Variants in KCNJ6 observed in about 807,000 individuals in gnomAD.
The protein encoded by KCNJ6 is potassium inwardly rectifying channel subfamily J member 6, also known as G protein-activated inward rectifier potassium channel 2.
A neutral mutation model predicts 34.2 loss-of-function variants in KCNJ6; 9 were observed. The observed-to-expected ratio is 0.26, with a 90% confidence interval of 0.16 to 0.46. The LOEUF (loss-of-function observed/expected upper bound fraction) is 0.46, where lower values mean the gene tolerates loss of function less well. Ranked by LOEUF, KCNJ6 falls within the 20% of genes least tolerant of loss-of-function variation. The pLI, the probability that KCNJ6 is intolerant of heterozygous loss-of-function variation, is 1.00. For synonymous variants in KCNJ6, 196 were observed against 207.1 expected (o/e 0.95, Z 0.46); for missense variants, 236 against 531.3 (o/e 0.44, Z 5.46).
intron 1 of KCNJ6, among the ~76,000 whole-genome samples, chr21:37,880,709 T>C (rs2055703291): frequency 6.6e-6 from 1 of 152,228 alleles, no homozygotes; most frequent in Non-Finnish European, 1.5e-5. Flanking sequence ...GGAATACATT[T>C]AGGAAATTTT....
At position 37,893,186 on chromosome 21, in the gene KCNJ6, G is replaced by A. The variant is rs867181773; in HGVS notation, c.-28+22698C>T. ...TTCATAGTCTTATGTTACATTCCTG[G>A]GTACCCTTTTGAATGTTCCCCTATT... is the stretch of plus-strand genomic sequence containing the variant. On this transcript the variant is annotated intron_variant, in intron 1 of 3. Coordinates refer to ENST00000609713, the MANE Select transcript of KCNJ6 (RefSeq NM_002240.5). Among the ~76,000 whole-genome samples, 76 of 150,222 alleles carry A rather than the reference G, an allele frequency of 5.1e-4. 1 individual carries two copies. Among genetic ancestry groups the A allele is most frequent in the African/African-American group, 1.8e-3 (73 of 40,812 alleles).
At chr21:37,886,915 C>A (rs2055738337) in intron 1 of KCNJ6, among the ~76,000 whole-genome samples, 1 of 152,094 alleles carries the variant, frequency 6.6e-6, no homozygotes, top group African/African-American at 2.4e-5. Flanking sequence ...ATTTCCCCCA[C>A]CACCTGATCC....
At chr21:37,817,537 G>C (rs1248081889) in intron 2 of KCNJ6, among the ~76,000 whole-genome samples, 2 of 152,192 alleles carry the variant, frequency 1.3e-5, no homozygotes, top group Non-Finnish European at 2.9e-5. Context: ...ACTGTGAGGA[G>C]GTTAGATCCC....
chr21:37,837,658 T>C (rs1429156143), intron 2 of KCNJ6, among the ~76,000 whole-genome samples: 2 of 152,188 alleles, frequency 1.3e-5, no homozygotes, highest in African/African-American at 4.8e-5. Context: ...AAAGTGTTTA[T>C]TGGCTTTGGA....
At position 37,675,637 on chromosome 21, in the gene KCNJ6, A is replaced by G. The variant is rs2054561595; in HGVS notation, c.946+38574T>C. Among the ~76,000 whole-genome samples, 1 of 152,220 alleles carries G rather than the reference A, an allele frequency of 6.6e-6. No homozygotes were observed. The highest frequency in any genetic ancestry group is 1.5e-5 in the Non-Finnish European group (1 of 68,034). On this transcript the variant is annotated intron_variant, in intron 3 of 3. Transcript: ENST00000609713. This position sits in a 1 kb window ranked among gnomAD's most constrained non-coding sequence, Gnocchi z 4.2. ...CCCCAGGAGAGGCCGTGTGGCCATAAAAGGGCTGACCTCCTGATTCGGACT... is the reference window on the plus strand; with the variant it reads ...CCCCAGGAGAGGCCGTGTGGCCATAGAAGGGCTGACCTCCTGATTCGGACT...
intron 3 of KCNJ6, among the ~76,000 whole-genome samples, chr21:37,640,321 A>G (rs376144057): frequency 0.014 from 2,156 of 152,308 alleles, 23 homozygotes; most frequent in Middle Eastern, 0.068. Flanking sequence ...TGGCTGTGGG[A>G]CCTAGGACAG....
chr21:37,699,555 G>A (rs982668017), intron 3 of KCNJ6, among the ~76,000 whole-genome samples: 1 of 152,150 alleles, frequency 6.6e-6, no homozygotes, highest in African/African-American at 2.4e-5. Context: ...CAGGGAAATC[G>A]GATAACATCA....
At chr21:37,898,919 T>G (rs1031658911) in intron 1 of KCNJ6, among the ~76,000 whole-genome samples, 1 of 152,264 alleles carries the variant, frequency 6.6e-6, no homozygotes, top group Admixed American at 6.5e-5. Flanking sequence ...GATGACCCTC[T>G]CTTTGCTATA....
chr21:37,786,085 C>A (rs2055191383), intron 2 of KCNJ6, among the ~76,000 whole-genome samples: 1 of 152,220 alleles, frequency 6.6e-6, no homozygotes, highest in African/African-American at 2.4e-5. Flanking sequence ...CTGATGAGGC[C>A]TGATCTGGTC....
intron 2 of KCNJ6, among the ~76,000 whole-genome samples, chr21:37,791,064 G>A (rs991219235): frequency 6.6e-6 from 1 of 152,148 alleles, no homozygotes; most frequent in Non-Finnish European, 1.5e-5. Flanking sequence ...TCATCCCAAA[G>A]TGTTGGCTCC....
chr21:37,699,983 T>C (rs970712597), intron 3 of KCNJ6, among the ~76,000 whole-genome samples: 2 of 152,160 alleles, frequency 1.3e-5, no homozygotes, highest in African/African-American at 4.8e-5. Flanking sequence ...AGGAAACTCT[T>C]GAGGGTCTGA....
intron 3 of KCNJ6, among the ~76,000 whole-genome samples, chr21:37,692,091 T>C (rs2054642403): frequency 6.6e-6 from 1 of 152,164 alleles, no homozygotes; most frequent in Non-Finnish European, 1.5e-5. Flanking sequence ...AAATACTTAA[T>C]GCATGCGGGG....
chr21:37,666,742 C>T (rs1019596280), intron 3 of KCNJ6, among the ~76,000 whole-genome samples: 2 of 151,670 alleles, frequency 1.3e-5, no homozygotes, highest in Admixed American at 6.6e-5. Context: ...AAAGAGAGAT[C>T]AGATTGTTAC....
chr21:37,700,967 G>C (rs115767360), intron 3 of KCNJ6, among the ~76,000 whole-genome samples: 1 of 152,086 alleles, frequency 6.6e-6, no homozygotes, highest in African/African-American at 2.4e-5. Flanking sequence ...GGTCATTTCC[G>C]ACCTGGGCAC....
rs576138996 is a variant in KCNJ6 at position 37,875,279 on chromosome 21, C to G, written c.-27-34570G>C. Among the ~76,000 whole-genome samples the G allele has an allele frequency of 2.2e-3, 330 of 152,266 alleles. 1 individual carries two copies. The South Asian group carries it at 0.027, about 12-fold the overall frequency. ...TTAAAAAAGAATTGAAAAGCAGAAGCCTTCCAGGACTTGAACCACAGTTGG... is the reference window on the plus strand; with the variant it reads ...TTAAAAAAGAATTGAAAAGCAGAAGGCTTCCAGGACTTGAACCACAGTTGG... On this transcript the variant is annotated intron_variant, in intron 1 of 3. Coordinates refer to ENST00000609713, the MANE Select transcript of KCNJ6 (RefSeq NM_002240.5).
At chr21:37,853,846 G>GTGTGTATA (rs71198897) in intron 1 of KCNJ6, among the ~76,000 whole-genome samples, 11 of 115,990 alleles carry the variant, frequency 9.5e-5, no homozygotes, top group Non-Finnish European at 1.7e-4. Context: ...ATATATATAT[G>GTGTGTATA]TATATATATA....
chr21:37,775,422 G>A (rs1271069158), intron 2 of KCNJ6, among the ~76,000 whole-genome samples: 2 of 152,172 alleles, frequency 1.3e-5, no homozygotes, highest in African/African-American at 4.8e-5. Flanking sequence ...TGAAGTCCTT[G>A]CCCATGCCTA....
At chr21:37,742,337 G>GTGGC (rs1399460782) in intron 2 of KCNJ6, among the ~76,000 whole-genome samples, 1 of 152,194 alleles carries the variant, frequency 6.6e-6, no homozygotes, top group Non-Finnish European at 1.5e-5. Flanking sequence ...TCCTGGGCAG[G>GTGGC]TGGCTGCAGG....
chr21:37,760,648 T>G (rs1056848514), intron 2 of KCNJ6, among the ~76,000 whole-genome samples: 1 of 152,236 alleles, frequency 6.6e-6, no homozygotes, highest in Non-Finnish European at 1.5e-5. Flanking sequence ...TGGGTCTGAC[T>G]GGAACTTCAG....
Sources: allele counts gnomAD v4.1 joint callset (sites outside exome capture counted in the v4.1 genomes callset), GRCh38; gene constraint gnomAD v4.1.1; non-coding constraint Gnocchi (gnomAD v3.1); transcripts MANE v1.5; gene names NCBI Gene and HGNC (gene_info 2026-07-23, HGNC 2026-07-21).